EMC1: variants seen among roughly 807,000 people sequenced by gnomAD.
EMC1 encodes ER membrane protein complex subunit 1, also known as KIAA0090.
EMC1 carries 103 observed loss-of-function variants against 128.8 expected under a neutral mutation model. That is an observed-to-expected ratio of 0.80 (90% CI 0.68 to 0.94). The LOEUF is 0.94. Ranked by LOEUF, EMC1 falls within the 40% of genes least tolerant of loss-of-function variation. The probability of loss-of-function intolerance (pLI) is 0.00; values close to 1 mark genes in which losing one functional copy is unlikely to be tolerated. For synonymous variants in EMC1, 442 were observed against 490.4 expected (o/e 0.90, Z 1.30); for missense variants, 1,083 against 1,250.6 (o/e 0.87, Z 2.02).
At position 19,223,457 on chromosome 1, in the gene EMC1, G is replaced by A. The variant is rs2093447548; in HGVS notation, c.2315C>T (p.Ser772Phe). 1.9e-6 allele frequency: 3 copies of A among 1,614,192 alleles called. No homozygotes were observed. In the African/African-American group the frequency reaches 4.0e-5, roughly 22 times the overall value. Residue 772 changes from serine (S) to phenylalanine (F), a missense_variant, in exon 19 of 23, where the codon TCC (serine) becomes TTC (phenylalanine). Around this residue, in one of 3 missense-constraint regions of EMC1, gnomAD observed 527 missense variants for 644.1 expected, o/e 0.82. Transcript: ENST00000477853. ...GCCTTTGGCTTTCTTCTGCACAGAG[G>A]AGTGAATGATACGCCCAGTGACGCC... ...IDGVTGRIIH[S>F]SVQKKAKGPV...
intron 1 of EMC1, among the ~76,000 whole-genome samples, chr1:19,247,649 G>A (rs1184194269): frequency 2.0e-5 from 3 of 152,172 alleles, no homozygotes; most frequent in Admixed American, 6.5e-5. Context: ...ACTGGTTTAC[G>A]TATCTACTTT....
intron 13 of EMC1, among the ~76,000 whole-genome samples, chr1:19,234,853 AG>A (rs1465495485): frequency 1.3e-5 from 2 of 151,066 alleles, no homozygotes; most frequent in African/African-American, 4.9e-5. Flanking sequence ...TCTCAAAAAA[AG>A]AAAAAAAAAA....
At chr1:19,246,723 T>C (rs1017197821) in intron 1 of EMC1, among the ~76,000 whole-genome samples, 5 of 152,076 alleles carry the variant, frequency 3.3e-5, no homozygotes, top group Non-Finnish European at 5.9e-5. Context: ...GAGGTTGCAG[T>C]GAGCCAAGAT....
intron 18 of EMC1, among the ~76,000 whole-genome samples, chr1:19,226,918 T>C (rs918809313): frequency 2.6e-5 from 4 of 151,968 alleles, no homozygotes; most frequent in Non-Finnish European, 4.4e-5. Flanking sequence ...TTCCAATTAC[T>C]TGGGAGACTG....
Position 19,231,205 on chromosome 1 carries a change from C to T in EMC1, c.1944+56G>A, listed in dbSNP as rs1040806680. 11 of 1,534,236 alleles carry T rather than the reference C, an allele frequency of 7.2e-6. No individual in the cohort carries two copies. The South Asian group carries it at 1.1e-4, about 16-fold the overall frequency. ...ATCTCCGGGCCGCTGTGTTTGACCA[C>T]CTGGCCCCAAACCGGACTCCGCTAG... is the stretch of plus-strand genomic sequence containing the variant. On this transcript the variant is annotated intron_variant, in intron 16 of 22. Coordinates refer to ENST00000477853, the MANE Select transcript of EMC1 (RefSeq NM_015047.3).
At chr1:19,240,233 T>C in intron 7 of EMC1, 64 bp downstream of exon 7, 2 of 1,598,194 alleles carry the variant, frequency 1.3e-6, no homozygotes, top group Non-Finnish European at 1.7e-6. Context: ...AGGGGAATCA[T>C]GCCAAACTTT....
intron 13 of EMC1, among the ~76,000 whole-genome samples, chr1:19,234,703 G>A (rs770602494): frequency 2.0e-5 from 3 of 152,030 alleles, no homozygotes; most frequent in East Asian, 1.9e-4. Flanking sequence ...AAAATTAACC[G>A]GGCATGGTGG....
chr1:19,225,936 T>A (rs1363511993), intron 18 of EMC1, among the ~76,000 whole-genome samples: 1 of 152,194 alleles, frequency 6.6e-6, no homozygotes, highest in African/African-American at 2.4e-5. Flanking sequence ...ACGTTGGTGC[T>A]ATTATCCCCA....
At chr1:19,248,394 C>T (rs995673660) in intron 1 of EMC1, among the ~76,000 whole-genome samples, 1 of 151,758 alleles carries the variant, frequency 6.6e-6, no homozygotes, top group Non-Finnish European at 1.5e-5. Flanking sequence ...AATGGGGTTT[C>T]GCCATATTGC....
chr1:19,244,045 T>G (rs1327173978), intron 2 of EMC1, 30 bp from the exon 3 acceptor site: 3 of 1,611,758 alleles, frequency 1.9e-6, no homozygotes, highest in Admixed American at 1.7e-5. Flanking sequence ...GACATTACTA[T>G]GAACAAAAGG....
intron 2 of EMC1, chr1:19,244,561 G>T: frequency 4.0e-6 from 1 of 252,900 alleles, no homozygotes; most frequent in Non-Finnish European, 7.8e-6. Flanking sequence ...CTAGGCACAC[G>T]CCACCATGCC....
Position 19,233,146 on chromosome 1 carries a change from G to A in EMC1, c.1433-11C>T. Reference sequence around the variant, plus strand: ...TCCCCAGCAAGCCATCTGGTGTAAAGGAAAAGTAACATACTCTACATCAGA... The same window carrying A: ...TCCCCAGCAAGCCATCTGGTGTAAAAGAAAAGTAACATACTCTACATCAGA... On this transcript the variant is annotated splice_polypyrimidine_tract_variant and intron_variant, in intron 13 of 22. Coordinates refer to ENST00000477853, the MANE Select transcript of EMC1 (RefSeq NM_015047.3). 6.2e-7 allele frequency: 1 copy of A among 1,611,736 alleles called. No homozygotes were observed. The highest frequency in any genetic ancestry group is 1.1e-5 in the South Asian group (1 of 90,832).
intron 1 of EMC1, among the ~76,000 whole-genome samples, chr1:19,250,975 A>C (rs2093656404): frequency 6.6e-6 from 1 of 152,162 alleles, no homozygotes; most frequent in Admixed American, 6.6e-5. Context: ...GGGGAAAAGG[A>C]CTCAGTTTAG....
intron 17 of EMC1, among the ~76,000 whole-genome samples, chr1:19,228,383 C>T (rs1348802436): frequency 6.6e-6 from 1 of 152,116 alleles, no homozygotes; most frequent in Non-Finnish European, 1.5e-5. Context: ...GAGCTCAAAA[C>T]ATTTCGTGTA....
chr1:19,223,573 G>T lies in EMC1; in HGVS notation c.2203-4C>A. On this transcript the variant is annotated splice_polypyrimidine_tract_variant and splice_region_variant and intron_variant, in intron 18 of 22. Transcript: ENST00000477853. ...CCAGCAGGTTGGGGTTCAGGCTCTG[G>T]AGAGAGAGAGAAAACCTCCCTTAGA... is the stretch of plus-strand genomic sequence containing the variant. The T allele has an allele frequency of 2.5e-6, 4 of 1,608,198 alleles. No individual in the cohort carries two copies. Among genetic ancestry groups the T allele is most frequent in the Non-Finnish European group, 3.4e-6 (4 of 1,176,906 alleles).
intron 11 of EMC1, 102 bp from the exon 12 acceptor site, chr1:19,237,340 C>T (rs945505178): frequency 5.0e-6 from 4 of 804,678 alleles, no homozygotes; most frequent in Non-Finnish European, 8.8e-6. Flanking sequence ...GAGGTACAGG[C>T]CATGGCATTA....
At chr1:19,221,110 G>T in intron 20 of EMC1, 1 of 285,780 alleles carries the variant, frequency 3.5e-6, no homozygotes, top group Non-Finnish European at 6.6e-6. Context: ...AATGATGAAA[G>T]AGAAAAATGT....
intron 1 of EMC1, 149 bp downstream of exon 1, chr1:19,251,266 T>G (rs2093657993): frequency 2.9e-6 from 2 of 686,690 alleles, no homozygotes; most frequent in East Asian, 5.4e-5. Flanking sequence ...TCCTTAATAA[T>G]TTTTTAACAA....
intron 12 of EMC1, among the ~76,000 whole-genome samples, chr1:19,236,579 C>G (rs1210001832): frequency 6.6e-6 from 1 of 150,706 alleles, no homozygotes; most frequent in East Asian, 2.0e-4. Context: ...TCACTTAAAC[C>G]TGGGAGGCAG....
Sources: gnomAD v4.1 joint callset for allele counts (sites outside exome capture counted in the v4.1 genomes callset) on GRCh38, gnomAD v4.1.1 for gene constraint, gnomAD v4.1.1 regional missense constraint, MANE v1.5 for transcripts, NCBI Gene and HGNC (gene_info 2026-07-23, HGNC 2026-07-21) for gene names.